Variants in MARCHF6 observed in about 807,000 individuals in gnomAD.
MARCHF6 encodes E3 ubiquitin-protein ligase MARCHF6.
A neutral mutation model predicts 133.7 loss-of-function variants in MARCHF6; 31 were observed. The observed-to-expected ratio is 0.23, with a 90% CI of 0.17 to 0.31. MARCHF6 has a LOEUF of 0.31. Ranked by LOEUF, MARCHF6 falls within the 10% of genes least tolerant of loss-of-function variation. The pLI is 1.00. For missense variants in MARCHF6, 723 were observed against 1,121.6 expected (o/e 0.64, Z 5.08); for synonymous variants, 395 against 402.5 (o/e 0.98, Z 0.22).
At chr5:10,387,699 C>T (rs1368208667) in intron 5 of MARCHF6, among the ~76,000 whole-genome samples, 1 of 152,074 alleles carries the variant, frequency 6.6e-6, no homozygotes, top group Admixed American at 6.6e-5. Flanking sequence ...TAAATGGAGC[C>T]TCGCTCTATT....
chr5:10,376,880 G>A (rs1356391796), intron 1 of MARCHF6, among the ~76,000 whole-genome samples: 1 of 152,156 alleles, frequency 6.6e-6, no homozygotes, highest in Non-Finnish European at 1.5e-5. Flanking sequence ...AGAATTTCCC[G>A]TGAGAGATTA....
chr5:10,381,741 A>G (rs746492422), intron 3 of MARCHF6, 59 bp from the exon 4 acceptor site: 279 of 1,312,128 alleles, frequency 2.1e-4, no homozygotes, highest in Non-Finnish European at 2.9e-4. Context: ...TTTTATATTT[A>G]TGAATTAAGC....
chr5:10,389,798 G>A (rs1425771676), intron 5 of MARCHF6, among the ~76,000 whole-genome samples: 1 of 152,162 alleles, frequency 6.6e-6, no homozygotes, highest in Non-Finnish European at 1.5e-5. Flanking sequence ...GTTGTCATTA[G>A]ACTTATCTGG....
At chr5:10,415,445 T>G in intron 20 of MARCHF6, 43 bp from the exon 21 acceptor site, 2 of 1,545,078 alleles carry the variant, frequency 1.3e-6, no homozygotes. Context: ...ACAATTCTCT[T>G]TACCTAGCCA....
intron 7 of MARCHF6, among the ~76,000 whole-genome samples, chr5:10,393,106 C>T (rs1340813231): frequency 6.6e-6 from 1 of 152,052 alleles, no homozygotes; most frequent in East Asian, 1.9e-4. Flanking sequence ...GCCAAGGTCA[C>T]CTGGGAGGGA....
Position 10,355,911 on chromosome 5 carries a change from G to A in MARCHF6, c.19+1994G>A, listed in dbSNP as rs1018366797. 1.6e-4 allele frequency among the ~76,000 whole-genome samples: 25 copies of A among 152,258 alleles called. No homozygotes were observed. In the South Asian group the frequency reaches 4.8e-3, roughly 29 times the overall value. Reference sequence around the variant, plus strand: ...TTTATTTTTGTCACTCCCTCTATAGGATGAATCATTTATATAATTTGGTGG... The same window carrying A: ...TTTATTTTTGTCACTCCCTCTATAGAATGAATCATTTATATAATTTGGTGG... On this transcript the variant is annotated intron_variant, in intron 1 of 25. Coordinates refer to ENST00000274140, the MANE Select transcript of MARCHF6 (RefSeq NM_005885.4).
In MARCHF6 at chr5:10,381,769, GA is replaced by G; in HGVS notation, c.191-28del. 8 of 1,535,430 alleles carry G rather than the reference GA, an allele frequency of 5.2e-6. No homozygotes were observed. The South Asian group carries it at 9.9e-5, about 19-fold the overall frequency. ...AATTAAGCTATTTTCGAATCTTCAT[GA>G]AACTGTAAGTACTTTTTTTCCGCTT... On this transcript the variant is annotated intron_variant, in intron 3 of 25. Transcript: ENST00000274140.
intron 9 of MARCHF6, among the ~76,000 whole-genome samples, 199 bp from the exon 10 acceptor site, chr5:10,397,094 T>A (rs1321598344): frequency 6.6e-6 from 1 of 152,172 alleles, no homozygotes; most frequent in Non-Finnish European, 1.5e-5. Context: ...TTGAGTTTTA[T>A]TAGGCTTAGT....
chr5:10,365,519 T>C (rs1048975183), intron 1 of MARCHF6, among the ~76,000 whole-genome samples: 1 of 152,050 alleles, frequency 6.6e-6, no homozygotes, highest in African/African-American at 2.4e-5. Context: ...AGGTTGGTCA[T>C]GAACTGCCGA....
intron 4 of MARCHF6, among the ~76,000 whole-genome samples, chr5:10,386,391 C>A (rs999807451): frequency 2.0e-5 from 3 of 152,238 alleles, no homozygotes; most frequent in Non-Finnish European, 2.9e-5. Flanking sequence ...GTCTAGAATT[C>A]TGCTTTCCTG....
chr5:10,384,300 A>G (rs1177403905), intron 4 of MARCHF6, among the ~76,000 whole-genome samples: 1 of 151,102 alleles, frequency 6.6e-6, no homozygotes, highest in East Asian at 2.0e-4. Context: ...TAAGAATAAA[A>G]GGCAATTGAA....
Position 10,427,939 on chromosome 5 carries a change from G to A in MARCHF6, c.2506+1417G>A, listed in dbSNP as rs138147950. 2.9e-3 allele frequency among the ~76,000 whole-genome samples: 442 copies of A among 152,206 alleles called. 2 individuals carry two copies. Among genetic ancestry groups the A allele is most frequent in the African/African-American group, 0.01 (420 of 41,522 alleles). ...AAATAAATTATCTGGGAGTGGTGGC[G>A]CACACCTGTAATCTCAGCTGCCCTG... On this transcript the variant is annotated intron_variant, in intron 24 of 25. Coordinates refer to ENST00000274140, the MANE Select transcript of MARCHF6 (RefSeq NM_005885.4).
At chr5:10,369,610 C>CA (rs1554019340) in intron 1 of MARCHF6, among the ~76,000 whole-genome samples, 1 of 23,488 alleles carries the variant, frequency 4.3e-5, no homozygotes, top group East Asian at 5.2e-4. Flanking sequence ...ATTACCCCCC[C>CA]CCCCCCTTGC....
At chr5:10,370,134 T>C (rs1161912488) in intron 1 of MARCHF6, among the ~76,000 whole-genome samples, 1 of 133,364 alleles carries the variant, frequency 7.5e-6, no homozygotes, top group Non-Finnish European at 1.6e-5. Context: ...AGGATCTTGC[T>C]TATAAACCCA....
rs571838188 is a variant in MARCHF6, at chr5:10,408,974, C to T, written c.1554-1165C>T. Among the ~76,000 whole-genome samples, 8 of 152,138 alleles carry T rather than the reference C, an allele frequency of 5.3e-5. No homozygotes were observed. In the East Asian group the frequency reaches 1.5e-3, roughly 29 times the overall value. On this transcript the variant is annotated intron_variant, in intron 17 of 25. Transcript: ENST00000274140. ...TATTTAGGTCTTTTTCTCTCTGTCT[C>T]TCTTTTTTTAATTTAAAAAAATATT... is the stretch of plus-strand genomic sequence containing the variant.
At chr5:10,410,307 G>A (rs761400627) in intron 18 of MARCHF6, 31 bp downstream of exon 18, 4 of 1,604,518 alleles carry the variant, frequency 2.5e-6, no homozygotes, top group Non-Finnish European at 3.4e-6. Flanking sequence ...CCTTGGACAT[G>A]CATGTCATTT....
At chr5:10,383,920 C>T (rs1017075978) in intron 4 of MARCHF6, among the ~76,000 whole-genome samples, 5 of 152,040 alleles carry the variant, frequency 3.3e-5, no homozygotes, top group African/African-American at 1.2e-4. Flanking sequence ...TATAGATGTT[C>T]TAGATGTAGG....
chr5:10,398,506 CTGTA>C (rs1561128045), intron 10 of MARCHF6, among the ~76,000 whole-genome samples: 1 of 151,446 alleles, frequency 6.6e-6, no homozygotes, highest in African/African-American at 2.4e-5. Flanking sequence ...GTGGGGGTGT[CTGTA>C]TGTTATCCTG....
chr5:10,389,024 A>G (rs116650762), intron 5 of MARCHF6, among the ~76,000 whole-genome samples: 2,547 of 152,260 alleles, frequency 0.017, 64 homozygotes, highest in African/African-American at 0.058. Flanking sequence ...ATTGCAGACT[A>G]TATTTTCCTA....
Sources: gnomAD v4.1 joint callset for allele counts (sites outside exome capture counted in the v4.1 genomes callset) on GRCh38, gnomAD v4.1.1 for gene constraint, MANE v1.5 for transcripts, NCBI Gene and HGNC (gene_info 2026-07-23, HGNC 2026-07-21) for gene names.